The following SCAF4 variants were observed in gnomAD, a reference collection of about 807,000 sequenced individuals.
SCAF4 encodes SR-related CTD associated factor 4.
Under a neutral mutation model 129.8 loss-of-function variants are expected in SCAF4, and 25 were observed. The ratio of observed to expected loss-of-function variants is 0.19; its 90% CI spans 0.14 to 0.27. SCAF4 has a LOEUF of 0.27. Among genes scored for constraint, SCAF4 ranks in the 10% least tolerant of loss-of-function variants. The probability of loss-of-function intolerance (pLI) is 1.00; values close to 1 mark genes in which losing one functional copy is unlikely to be tolerated. For synonymous variants in SCAF4, 551 were observed against 497.7 expected, an observed-to-expected ratio of 1.11 and a Z score of -1.43; for missense variants, 1,246 against 1,457.1, an observed-to-expected ratio of 0.86 and a Z score of 2.36.
chr21:31,708,731 T>TA, intron 1 of SCAF4, among the ~76,000 whole-genome samples: 1 of 152,188 alleles, frequency 6.6e-6, no homozygotes. Context: ...CTGAAGAAAC[T>TA]AGAAACCCTC....
At chr21:31,686,137 A>G (rs2050116430) in intron 16 of SCAF4, among the ~76,000 whole-genome samples, 1 of 142,250 alleles carries the variant, frequency 7.0e-6, no homozygotes, top group South Asian at 2.4e-4. Flanking sequence ...CGGGAGGTGG[A>G]GGTTGCAGTG....
In SCAF4 at chr21:31,694,965, T is replaced by C. The variant is rs1163488703; in HGVS notation, c.1084A>G (p.Asn362Asp). 2.5e-6 allele frequency: 4 copies of C among 1,613,844 alleles called. No individual in the cohort carries two copies. The highest frequency in any genetic ancestry group is 1.1e-5 in the South Asian group (1 of 91,072). Residue 362 changes from asparagine (N) to aspartate (D), a missense_variant, in exon 10 of 20, where the codon AAT becomes GAT. Asn to Asp is a conservative substitution (Grantham distance 23, BLOSUM62 1). Transcript: ENST00000286835. ...PMHHQVPLPPNGQMPGFGLLP... is the reference protein window; with the variant it reads ...PMHHQVPLPPDGQMPGFGLLP... The stretch of plus-strand genomic sequence containing the variant: ...AGTCCAAATCCTGGCATTTGTCCAT[T>C]AGGAGGAAGTGGAACCTTTCATTTT...
intron 1 of SCAF4, among the ~76,000 whole-genome samples, chr21:31,723,211 A>C (rs994345101): frequency 2.0e-5 from 3 of 152,162 alleles, no homozygotes; most frequent in Non-Finnish European, 2.9e-5. Flanking sequence ...GATCAATTTT[A>C]ATAGTCATTG....
chr21:31,704,121 G>C (rs1024721206), intron 3 of SCAF4, among the ~76,000 whole-genome samples, 195 bp from the exon 4 acceptor site: 1 of 151,600 alleles, frequency 6.6e-6, no homozygotes, highest in South Asian at 2.1e-4. Context: ...CCATTCTCTT[G>C]ATACTACTGA....
chr21:31,689,134 G>T (rs948853441), intron 15 of SCAF4, among the ~76,000 whole-genome samples: 1 of 152,022 alleles, frequency 6.6e-6, no homozygotes, highest in Non-Finnish European at 1.5e-5. Flanking sequence ...CAGATGTCCA[G>T]CACATAGTAG....
chr21:31,671,637 C>T lies in SCAF4; in HGVS notation c.3206G>A (p.Arg1069His), dbSNP rs746900042. 39 of 1,613,994 alleles carry T rather than the reference C, an allele frequency of 2.4e-5. No individual in the cohort carries two copies. The highest frequency in any genetic ancestry group is 4.0e-5 in the African/African-American group (3 of 74,906). Residue 1069 changes from arginine (R) to histidine (H), a missense_variant, in exon 20 of 20, where the codon CGT becomes CAT. This residue lies in a region of SCAF4 where 339 missense variants were observed against 325.0 expected (regional missense o/e 1.04). Transcript: ENST00000286835. ...RERDSRDRES[R>H]REKEEARGKE... The stretch of plus-strand genomic sequence containing the variant: ...TCCTCGGGCTTCTTCCTTCTCTCTA[C>T]GAGACTCTCTATCTCTAGAATCTCT...
chr21:31,688,466 T>G lies in SCAF4; in HGVS notation c.1886-2A>C. The G allele has an allele frequency of 6.2e-7, 1 of 1,611,918 alleles. No individual in the cohort carries two copies. Among genetic ancestry groups the G allele is most frequent in the South Asian group, 1.1e-5 (1 of 90,848 alleles). ...GCTTCTTAGGAATTCCTTTCCAATC[T>G]GTGAGCGTGAAAGAAATTTAACAAG... On this transcript the variant is annotated splice_acceptor_variant, in intron 15 of 19. Coordinates refer to ENST00000286835, the MANE Select transcript of SCAF4 (RefSeq NM_020706.2). LOFTEE classifies it high-confidence loss of function.
At chr21:31,714,843 A>T (rs1162824716) in intron 1 of SCAF4, among the ~76,000 whole-genome samples, 2 of 151,734 alleles carry the variant, frequency 1.3e-5, no homozygotes, top group African/African-American at 4.9e-5. Flanking sequence ...TACCTAACAC[A>T]TAAGTGCTGA....
chr21:31,690,750 T>TA, intron 15 of SCAF4, 47 bp downstream of exon 15: 2 of 1,560,082 alleles, frequency 1.3e-6, no homozygotes, highest in Non-Finnish European at 1.7e-6. Context: ...TCATATGTAC[T>TA]ACCAAGCAAA....
intron 12 of SCAF4, 136 bp from the exon 13 acceptor site, chr21:31,692,585 T>C: frequency 1.8e-6 from 1 of 555,954 alleles, no homozygotes. Context: ...AAATCTCACA[T>C]ACATTTTAAA....
chr21:31,709,973 A>T (rs1167774028), intron 1 of SCAF4, among the ~76,000 whole-genome samples: 1 of 152,084 alleles, frequency 6.6e-6, no homozygotes, highest in African/African-American at 2.4e-5. Flanking sequence ...CATACCTGAT[A>T]CAATGCTGCA....
intron 1 of SCAF4, among the ~76,000 whole-genome samples, chr21:31,708,334 C>T (rs1023315631): frequency 6.6e-6 from 1 of 150,694 alleles, no homozygotes; most frequent in African/African-American, 2.4e-5. Context: ...AAGCCAAGAT[C>T]GCGCCACTGC....
intron 3 of SCAF4, among the ~76,000 whole-genome samples, chr21:31,704,528 T>C (rs1484114575): frequency 1.4e-5 from 2 of 147,482 alleles, no homozygotes; most frequent in Non-Finnish European, 3.0e-5. Flanking sequence ...TCTAGGAATT[T>C]ATGCAAAAAA....
At chr21:31,725,693 C>A (rs893521382) in intron 1 of SCAF4, among the ~76,000 whole-genome samples, 1 of 152,058 alleles carries the variant, frequency 6.6e-6, no homozygotes, top group East Asian at 1.9e-4. Context: ...TAAGATAGTT[C>A]TTGCCTTTTT....
intron 19 of SCAF4, among the ~76,000 whole-genome samples, chr21:31,672,761 G>A (rs2049743081): frequency 6.6e-6 from 1 of 152,142 alleles, no homozygotes; most frequent in Non-Finnish European, 1.5e-5. Context: ...TACTGCAGGT[G>A]CACACTTAGA....
Position 31,671,679 on chromosome 21 carries a change from C to T in SCAF4, c.3164G>A (p.Gly1055Glu). 1 of 1,613,868 alleles carries T rather than the reference C, an allele frequency of 6.2e-7. No homozygotes were observed. The highest frequency in any genetic ancestry group is 8.5e-7 in the Non-Finnish European group (1 of 1,179,786). ...DLEERNRRSS[G>E]HRDRERDSRD... ...AGAATCTCTCTCTCTGTCTCGATGC[C>T]CACTAGAGCGTCTATTTCTCTCTTC... Residue 1055 changes from glycine to glutamate, a missense_variant, in exon 20 of 20, where the codon GGG (glycine) becomes GAG (glutamate). Around this residue, in one of 6 missense-constraint regions of SCAF4, gnomAD observed 339 missense variants for 325.0 expected, o/e 1.04. Transcript: ENST00000286835.
intron 1 of SCAF4, among the ~76,000 whole-genome samples, chr21:31,707,425 C>T (rs904109725): frequency 9.9e-5 from 15 of 152,168 alleles, no homozygotes; most frequent in Non-Finnish European, 2.2e-4. Flanking sequence ...CCATCAGGTG[C>T]TTCCATGAGA....
rs1472622910 is a variant in SCAF4 at position 31,701,890 on chromosome 21, A to G, written c.486T>C (p.Ser162=). The change falls in exon 6 of 20, where the codon TCT becomes TCC. Residue 162 remains serine (S), a synonymous_variant. Transcript: ENST00000286835. ...GAGTGGCTTGTGTGGGAGGTTCAGA[A>G]GAAACTTTTACTGGAGGTGGAGGTG... The part of the protein sequence containing the change: ...EGSPPPPVKV[S]SEPPTQATPN... 6.2e-7 allele frequency: 1 copy of G among 1,613,932 alleles called. No homozygotes were observed. The highest frequency in any genetic ancestry group is 1.3e-5 in the African/African-American group (1 of 74,912).
intron 1 of SCAF4, among the ~76,000 whole-genome samples, chr21:31,730,986 T>G (rs1288096262): frequency 6.6e-6 from 1 of 152,154 alleles, no homozygotes; most frequent in Non-Finnish European, 1.5e-5. Flanking sequence ...CCATTCAACT[T>G]TTTAGGCGTC....
Sources: gnomAD v4.1 joint callset for allele counts (sites outside exome capture counted in the v4.1 genomes callset) on GRCh38, gnomAD v4.1.1 for gene constraint, gnomAD v4.1.1 regional missense constraint, MANE v1.5 for transcripts, NCBI Gene and HGNC (gene_info 2026-07-23, HGNC 2026-07-21) for gene names.